ARHGEF28: variants seen among roughly 807,000 people sequenced by gnomAD.
The protein encoded by ARHGEF28 is 190 kDa guanine nucleotide exchange factor.
In ARHGEF28, 152 loss-of-function variants were observed where a neutral mutation model predicts 206.6. The observed-to-expected ratio is 0.74, with a 90% CI of 0.64 to 0.84. The LOEUF is 0.84. Ranked by LOEUF, ARHGEF28 falls within the 40% of genes least tolerant of loss-of-function variation. ARHGEF28 has a pLI of 0.00. For synonymous variants in ARHGEF28, 763 were observed against 776.4 expected (o/e 0.98, Z 0.29); for missense variants, 2,028 against 2,073.2 (o/e 0.98, Z 0.42).
rs575017781 is a variant in ARHGEF28, at chr5:73,724,002, G to T, written c.34-25835G>T. On this transcript the variant is annotated intron_variant, in intron 2 of 35. Coordinates refer to ENST00000513042, the MANE Select transcript of ARHGEF28 (RefSeq NM_001177693.2). ...CTCAAGCTCCTTGGAATCCCTGGGTGGTTGTCCAGTGGTCCACAGAGGTAC... is the reference window on the plus strand; with the variant it reads ...CTCAAGCTCCTTGGAATCCCTGGGTTGTTGTCCAGTGGTCCACAGAGGTAC... Among the ~76,000 whole-genome samples, 57 of 152,362 alleles carry T rather than the reference G, an allele frequency of 3.7e-4. 2 individuals are homozygous for T. In the South Asian group the frequency reaches 9.5e-3, roughly 25 times the overall value.
chr5:73,873,024 C>T lies in ARHGEF28; in HGVS notation c.2592C>T (p.His864=), dbSNP rs1435159706. The change falls in exon 22 of 36, where the codon CAC becomes CAT. Residue 864 remains histidine (H), a synonymous_variant. Coordinates refer to ENST00000513042, the MANE Select transcript of ARHGEF28 (RefSeq NM_001177693.2). ...AGCTAATGCAAACAGAGATGCATCA[C>T]ATCCAGACCCTGTTCATCATGTCTG... ...IFELMQTEMH[H]IQTLFIMSEI... is the part of the protein sequence containing the mutation. 1 of 1,613,628 alleles carries T rather than the reference C, an allele frequency of 6.2e-7. No homozygotes were observed. Among genetic ancestry groups the T allele is most frequent in the Non-Finnish European group, 8.5e-7 (1 of 1,179,758 alleles).
Position 73,795,316 on chromosome 5 carries a change from CTT to C in ARHGEF28, c.964-13_964-12del, listed in dbSNP as rs1195213095. The C allele has an allele frequency of 6.8e-6, 11 of 1,612,258 alleles. No homozygotes were observed. The highest frequency in any genetic ancestry group is 9.3e-6 in the Non-Finnish European group (11 of 1,179,134). ...TGTAATTTTTTAAAAATCCACCTGA[CTT>C]TATCTCTTCCAGCGTGTCAAAAGCC... On this transcript the variant is annotated splice_polypyrimidine_tract_variant and intron_variant, in intron 8 of 35. Coordinates refer to ENST00000513042, the MANE Select transcript of ARHGEF28 (RefSeq NM_001177693.2).
intron 35 of ARHGEF28, among the ~76,000 whole-genome samples, chr5:73,913,728 A>G (rs1763046257): frequency 6.6e-6 from 1 of 152,222 alleles, no homozygotes; most frequent in African/African-American, 2.4e-5. Flanking sequence ...GTGAGTGGCC[A>G]TCAGTGACCA....
intron 17 of ARHGEF28, 56 bp downstream of exon 17, chr5:73,864,928 A>G: frequency 1.3e-6 from 2 of 1,506,502 alleles, no homozygotes; most frequent in East Asian, 2.3e-5. Context: ...CATAGTATCT[A>G]TTTGAGCTTT....
At position 73,895,650 on chromosome 5, in the gene ARHGEF28, G is replaced by A. The variant is rs182906350; in HGVS notation, c.3841+1075G>A. ...GAAGGGCTGGTAAATTACAGACCAC[G>A]GACTACACACATCCCACAACCTGCT... On this transcript the variant is annotated intron_variant, in intron 29 of 35. Coordinates refer to ENST00000513042, the MANE Select transcript of ARHGEF28 (RefSeq NM_001177693.2). 3.2e-4 allele frequency among the ~76,000 whole-genome samples: 48 copies of A among 152,252 alleles called. 1 individual carries two copies. The East Asian group carries it at 5.8e-3, about 18-fold the overall frequency.
In ARHGEF28 at chr5:73,909,400, C is replaced by G. The variant is rs900151752; in HGVS notation, c.4162-12C>G. On this transcript the variant is annotated splice_polypyrimidine_tract_variant and intron_variant, in intron 33 of 35. Coordinates refer to ENST00000513042, the MANE Select transcript of ARHGEF28 (RefSeq NM_001177693.2). Reference sequence around the variant, plus strand: ...TTGTGTTCAGTGATTTTTCCTCTGTCTGCTCTGACAGGCCGCCTTGACCAT... The same window carrying G: ...TTGTGTTCAGTGATTTTTCCTCTGTGTGCTCTGACAGGCCGCCTTGACCAT... 15 of 1,581,586 alleles carry G rather than the reference C, an allele frequency of 9.5e-6. No individual in the cohort carries two copies. In the East Asian group the frequency reaches 2.0e-4, roughly 21 times the overall value.
intron 1 of ARHGEF28, among the ~76,000 whole-genome samples, chr5:73,628,681 A>G (rs541810548): frequency 7.2e-5 from 11 of 152,342 alleles, no homozygotes; most frequent in African/African-American, 2.2e-4. Flanking sequence ...CTGAGGATGT[A>G]AAAACAGTGT....
chr5:73,713,929 T>C (rs1227089747), intron 2 of ARHGEF28, among the ~76,000 whole-genome samples: 1 of 152,170 alleles, frequency 6.6e-6, no homozygotes, highest in African/African-American at 2.4e-5. Context: ...TAGATGTCTT[T>C]AAACAGAAAT....
chr5:73,940,909 C>A lies in ARHGEF28; in HGVS notation c.5014C>A (p.Gln1672Lys). 1.3e-6 allele frequency: 2 copies of A among 1,534,844 alleles called. No individual in the cohort carries two copies. Among genetic ancestry groups the A allele is most frequent in the Non-Finnish European group, 1.7e-6 (2 of 1,146,672 alleles). ...CTCAAATTCACACCGCCCTCAACTGCAGGCGTTTATAACAGAAGCAAAGCT... is the reference window on the plus strand; with the variant it reads ...CTCAAATTCACACCGCCCTCAACTGAAGGCGTTTATAACAGAAGCAAAGCT... The part of the protein sequence containing the change: ...HDSNSHRPQL[Q>K]AFITEAKLNL... Residue 1672 changes from glutamine to lysine, a missense_variant, in exon 36 of 36, where the codon CAG becomes AAG. Transcript: ENST00000513042.
At chr5:73,724,385 G>T (rs1750152579) in intron 2 of ARHGEF28, among the ~76,000 whole-genome samples, 1 of 152,092 alleles carries the variant, frequency 6.6e-6, no homozygotes, top group African/African-American at 2.4e-5. Context: ...AGTTCTAAAT[G>T]CATGATTCTT....
At chr5:73,868,484 G>C (rs140239393) in intron 20 of ARHGEF28, among the ~76,000 whole-genome samples, 1 of 152,162 alleles carries the variant, frequency 6.6e-6, no homozygotes, top group Non-Finnish European at 1.5e-5. Context: ...CAAGCATAAC[G>C]AAGAGAAATG....
intron 6 of ARHGEF28, 90 bp from the exon 7 acceptor site, chr5:73,780,586 T>G: frequency 4.6e-6 from 6 of 1,311,580 alleles, no homozygotes; most frequent in Non-Finnish European, 6.3e-6. Context: ...CTGAGATCAT[T>G]GATAGTGACT....
At chr5:73,911,843 G>A in intron 35 of ARHGEF28, 1 of 391,064 alleles carries the variant, frequency 2.6e-6, no homozygotes, top group Non-Finnish European at 4.6e-6. Flanking sequence ...TAGATGTGTG[G>A]GTTAAAATAA....
chr5:73,832,590 G>C lies in ARHGEF28; in HGVS notation c.1146+131G>C. The C allele has an allele frequency of 3.1e-6, 4 of 1,277,942 alleles. No individual in the cohort carries two copies. The South Asian group carries it at 6.2e-5, about 20-fold the overall frequency. The allele number at this position is 1,277,942 out of a possible 1,614,324, so 79.2% of individuals were successfully genotyped here. A position where few individuals can be genotyped will look rare whatever the true frequency, so the allele number is the denominator to read the frequency against. On this transcript the variant is annotated intron_variant, in intron 10 of 35. Transcript: ENST00000513042. Reference sequence around the variant, plus strand: ...AGAGCAGCAAAGAGGATGCTGTTGTGGGGTCTCATTGTATGAGCATTTAAG... The same window carrying C: ...AGAGCAGCAAAGAGGATGCTGTTGTCGGGTCTCATTGTATGAGCATTTAAG...
intron 1 of ARHGEF28, among the ~76,000 whole-genome samples, chr5:73,659,442 AT>A (rs1037781115): frequency 1.3e-5 from 2 of 151,878 alleles, no homozygotes; most frequent in Non-Finnish European, 2.9e-5. Flanking sequence ...AGGCAGGAGA[AT>A]GGTGTGAACC....
At chr5:73,791,345 A>T (rs1012602363) in intron 7 of ARHGEF28, among the ~76,000 whole-genome samples, 1 of 152,218 alleles carries the variant, frequency 6.6e-6, no homozygotes, top group Non-Finnish European at 1.5e-5. Flanking sequence ...GAACACTACC[A>T]TCAGGGTGTT....
At chr5:73,701,717 A>C (rs1306548158) in intron 2 of ARHGEF28, among the ~76,000 whole-genome samples, 1 of 152,076 alleles carries the variant, frequency 6.6e-6, no homozygotes, top group Non-Finnish European at 1.5e-5. Context: ...ACAGCTTATG[A>C]TCTTTTGGGA....
intron 4 of ARHGEF28, among the ~76,000 whole-genome samples, chr5:73,765,385 T>A (rs770113674): frequency 6.6e-6 from 1 of 152,218 alleles, no homozygotes; most frequent in Non-Finnish European, 1.5e-5. Flanking sequence ...ATGATACTCT[T>A]GTGATGCTGG....
chr5:73,936,711 G>C (rs2927703), intron 35 of ARHGEF28, among the ~76,000 whole-genome samples: 133,876 of 152,232 alleles, frequency 0.88, 58,910 homozygotes, highest in East Asian at 0.99. Flanking sequence ...GGAGGCACTT[G>C]GTTCATTTTA....
Sources: allele counts gnomAD v4.1 joint callset (sites outside exome capture counted in the v4.1 genomes callset), GRCh38; gene constraint gnomAD v4.1.1; transcripts MANE v1.5; gene names NCBI Gene and HGNC (gene_info 2026-07-23, HGNC 2026-07-21).